PDE4D: variants seen among roughly 807,000 people sequenced by gnomAD.
PDE4D encodes the protein 3',5'-cyclic-AMP phosphodiesterase 4D.
A neutral mutation model predicts 87.4 loss-of-function variants in PDE4D; 24 were observed. The observed-to-expected ratio is 0.27, with a 90% CI of 0.20 to 0.39. PDE4D has a LOEUF of 0.39. Among genes scored for constraint, PDE4D ranks in the 10% least tolerant of loss-of-function variants. The pLI is 1.00. For synonymous variants in PDE4D, 384 were observed against 383.2 expected (o/e 1.00, Z -0.02); for missense variants, 714 against 1,041.0 (o/e 0.69, Z 4.32).
chr5:60,423,030 C>T (rs531630995), intron 1 of PDE4D, among the ~76,000 whole-genome samples: 41 of 152,256 alleles, frequency 2.7e-4, no homozygotes, highest in African/African-American at 9.9e-4. Flanking sequence ...ACAGGAGCAT[C>T]CAGATTCATA....
intron 1 of PDE4D, among the ~76,000 whole-genome samples, chr5:60,276,667 C>G (rs1751394292): frequency 6.6e-6 from 1 of 152,164 alleles, no homozygotes. Flanking sequence ...GACTACACAG[C>G]AGTGCCAGAG....
intron 1 of PDE4D, among the ~76,000 whole-genome samples, chr5:60,301,701 T>C (rs1753910518): frequency 6.6e-6 from 1 of 152,192 alleles, no homozygotes; most frequent in Non-Finnish European, 1.5e-5. Context: ...TTTATTTCTA[T>C]CTCTCACCTG....
intron 1 of PDE4D, among the ~76,000 whole-genome samples, chr5:59,410,713 G>C (rs258123): frequency 1.3e-5 from 2 of 152,078 alleles, no homozygotes; most frequent in East Asian, 3.9e-4. Context: ...ATTGTTTATA[G>C]GTACTGCATG....
chr5:59,522,204 AT>A (rs1812362600), intron 1 of PDE4D, among the ~76,000 whole-genome samples: 1 of 152,244 alleles, frequency 6.6e-6, no homozygotes, highest in African/African-American at 2.4e-5. Context: ...TCATTTAAAT[AT>A]TTTAAATACT....
At chr5:59,578,784 ATTCTCCCTCCT>A (rs1174932962) in intron 1 of PDE4D, among the ~76,000 whole-genome samples, 1 of 151,852 alleles carries the variant, frequency 6.6e-6, no homozygotes, top group Admixed American at 6.6e-5. Flanking sequence ...CATTATCTGC[ATTCTCCCTCCT>A]TTTCCTCCCC....
At chr5:59,110,565 T>G (rs1351671749) in intron 5 of PDE4D, among the ~76,000 whole-genome samples, 1 of 152,194 alleles carries the variant, frequency 6.6e-6, no homozygotes, top group Admixed American at 6.5e-5. Flanking sequence ...GGTATTCCTA[T>G]TTTACCATTA....
rs904398610 is a variant in PDE4D at position 60,158,244 on chromosome 5, C to A, written c.42+27313G>T. 4.6e-5 allele frequency among the ~76,000 whole-genome samples: 7 copies of A among 152,266 alleles called. No individual in the cohort carries two copies. The East Asian group carries it at 1.4e-3, about 29-fold the overall frequency. ...GATGGTATAGCCTAACACACACACA[C>A]CTAGACTATATTGTATAGCCTGTTT... On this transcript the variant is annotated intron_variant, in intron 2 of 16. Coordinates refer to the PDE4D transcript ENST00000502484.
At chr5:60,183,792 G>A (rs573436392) in intron 2 of PDE4D, among the ~76,000 whole-genome samples, 10 of 152,238 alleles carry the variant, frequency 6.6e-5, no homozygotes, top group South Asian at 6.2e-4. Context: ...TGGCAAAAAC[G>A]TAAGCGTTGG....
At position 59,149,709 on chromosome 5, in the gene PDE4D, T is replaced by TTTTG. The variant is rs779357408; in HGVS notation, c.808+30885_808+30886insCAAA. Reference sequence around the variant, plus strand: ...GCCTTTCTCCCTCTCTCCTCGAGTTTTTTTTTTTTTTTTTTTTTTTTCGGT... The same window carrying TTTTG: ...GCCTTTCTCCCTCTCTCCTCGAGTTTTTTGTTTTTTTTTTTTTTTTTTTTTCGGT... On this transcript the variant is annotated intron_variant, in intron 5 of 14. Coordinates refer to ENST00000340635, the MANE Select transcript of PDE4D (RefSeq NM_001104631.2). Among the ~76,000 whole-genome samples the TTTTG allele has an allele frequency of 7.8e-3, 656 of 84,194 alleles. 12 individuals are homozygous for TTTTG. Among genetic ancestry groups the TTTTG allele is most frequent in the Non-Finnish European group, 0.014 (485 of 35,746 alleles). 55.2% of individuals were successfully genotyped at this position (84,194 alleles called of 152,430 possible).
At chr5:59,960,865 T>C (rs1030924384) in intron 3 of PDE4D, among the ~76,000 whole-genome samples, 5 of 152,076 alleles carry the variant, frequency 3.3e-5, no homozygotes, top group Admixed American at 3.3e-4. Context: ...AAATAAAAAA[T>C]TTAAAAAATT....
chr5:59,178,843 C>G (rs1740779817), intron 5 of PDE4D, among the ~76,000 whole-genome samples: 1 of 152,094 alleles, frequency 6.6e-6, no homozygotes, highest in Non-Finnish European at 1.5e-5. Context: ...GAGGGTAGTT[C>G]CTCTTGATAG....
chr5:60,410,361 A>T (rs1198126434), intron 1 of PDE4D, among the ~76,000 whole-genome samples: 1 of 152,114 alleles, frequency 6.6e-6, no homozygotes, highest in African/African-American at 2.4e-5. Flanking sequence ...CATACCAGAC[A>T]TCATCTTGGA....
chr5:60,442,278 A>G (rs545587034), intron 1 of PDE4D, among the ~76,000 whole-genome samples: 1 of 152,326 alleles, frequency 6.6e-6, no homozygotes, highest in Admixed American at 6.5e-5. Flanking sequence ...GGATGAGTTC[A>G]TGTCCTTTTC....
At chr5:58,998,228 T>C (rs1749669217) in intron 6 of PDE4D, among the ~76,000 whole-genome samples, 1 of 152,122 alleles carries the variant, frequency 6.6e-6, no homozygotes. Context: ...GGAAAAATTT[T>C]CCTCAAAAAG....
chr5:59,741,153 G>T (rs190523635), intron 1 of PDE4D, among the ~76,000 whole-genome samples: 2 of 152,274 alleles, frequency 1.3e-5, no homozygotes, highest in African/African-American at 4.8e-5. Flanking sequence ...AGACTAAAAA[G>T]ACTACTGAAC....
chr5:60,342,756 A>G (rs1008866593), intron 1 of PDE4D, among the ~76,000 whole-genome samples: 4 of 152,226 alleles, frequency 2.6e-5, no homozygotes, highest in Non-Finnish European at 4.4e-5. Context: ...CATACTGGTA[A>G]AAGTCTCTCA....
In PDE4D at chr5:58,975,525, G is replaced by C. The variant is rs955664236; in HGVS notation, c.2013+132C>G. On this transcript the variant is annotated intron_variant, in intron 14 of 14. Transcript: ENST00000340635. This position sits in a 1 kb window ranked among gnomAD's most constrained non-coding sequence, Gnocchi z 4.2. ...AAGTTCTTTGGATCATAAATACTAA[G>C]GTGAAATTGAGCTTGTCAAAAACAA... is the stretch of plus-strand genomic sequence containing the variant. 1.7e-6 allele frequency: 1 copy of C among 599,976 alleles called. No homozygotes were observed. Among genetic ancestry groups the C allele is most frequent in the Admixed American group, 3.8e-5 (1 of 26,594 alleles). The allele number at this position is 599,976 out of a possible 1,614,324, so 37.2% of individuals were successfully genotyped here.
At chr5:59,131,137 G>A (rs1395602072) in intron 5 of PDE4D, among the ~76,000 whole-genome samples, 1 of 152,124 alleles carries the variant, frequency 6.6e-6, no homozygotes, top group East Asian at 1.9e-4. Context: ...AAAGGCACAG[G>A]GGGAGTCCTT....
intron 1 of PDE4D, among the ~76,000 whole-genome samples, chr5:59,512,689 A>C (rs535223945): frequency 9.8e-4 from 149 of 152,270 alleles, no homozygotes; most frequent in African/African-American, 3.5e-3. Context: ...ATGGAAACTG[A>C]AAAGATAATA....
Sources: allele counts gnomAD v4.1 joint callset (sites outside exome capture counted in the v4.1 genomes callset), GRCh38; gene constraint gnomAD v4.1.1; non-coding constraint Gnocchi (gnomAD v3.1); transcripts MANE v1.5; gene names NCBI Gene and HGNC (gene_info 2026-07-23, HGNC 2026-07-21).